Variants in CNTNAP2 observed in about 807,000 individuals in gnomAD.
CNTNAP2 encodes contactin-associated protein-like 2.
In CNTNAP2, 98 loss-of-function variants were observed where a neutral mutation model predicts 155.2. That is an observed-to-expected ratio of 0.63 (90% confidence interval 0.54 to 0.75). The LOEUF is 0.75. Ranked by LOEUF, CNTNAP2 falls within the 30% of genes least tolerant of loss-of-function variation. The pLI, the probability that CNTNAP2 is intolerant of heterozygous loss-of-function variation, is 0.00. For missense variants in CNTNAP2, 1,727 were observed against 1,688.1 expected (o/e 1.02, Z -0.40); for synonymous variants, 651 against 631.2 (o/e 1.03, Z -0.47).
chr7:148,055,277 A>G (rs978896395), intron 15 of CNTNAP2, among the ~76,000 whole-genome samples: 1 of 152,244 alleles, frequency 6.6e-6, no homozygotes, highest in Non-Finnish European at 1.5e-5. Flanking sequence ...ATTTATTTAA[A>G]TAGTCCTCCT....
At chr7:146,459,773 C>T (rs1402343408) in intron 1 of CNTNAP2, among the ~76,000 whole-genome samples, 1 of 152,080 alleles carries the variant, frequency 6.6e-6, no homozygotes, top group Non-Finnish European at 1.5e-5. Context: ...GAGTTCAAGA[C>T]CAGCCTGGCT....
intron 2 of CNTNAP2, among the ~76,000 whole-genome samples, chr7:146,825,573 T>G (rs982850602): frequency 1.3e-5 from 2 of 152,112 alleles, no homozygotes; most frequent in African/African-American, 4.8e-5. Flanking sequence ...AAAAATGAAC[T>G]AAAGCAGATA....
At chr7:147,575,535 G>GTGTGTA (rs1800382847) in intron 12 of CNTNAP2, among the ~76,000 whole-genome samples, 1 of 150,968 alleles carries the variant, frequency 6.6e-6, no homozygotes, top group East Asian at 1.9e-4. Context: ...GTGTGTGTGT[G>GTGTGTA]TATGTGTGTG....
intron 14 of CNTNAP2, among the ~76,000 whole-genome samples, chr7:147,937,888 TTAA>T (rs1800641888): frequency 6.6e-6 from 1 of 152,174 alleles, no homozygotes; most frequent in Non-Finnish European, 1.5e-5. Context: ...CTATATAATC[TTAA>T]TGATGATGAC....
chr7:146,651,713 C>T (rs976137720), intron 1 of CNTNAP2, among the ~76,000 whole-genome samples: 1 of 152,152 alleles, frequency 6.6e-6, no homozygotes, highest in East Asian at 1.9e-4. Flanking sequence ...CTGTCACTCC[C>T]TTCCTTAGAC....
At chr7:146,442,482 G>A (rs1198100602) in intron 1 of CNTNAP2, among the ~76,000 whole-genome samples, 1 of 152,030 alleles carries the variant, frequency 6.6e-6, no homozygotes, top group Non-Finnish European at 1.5e-5. Flanking sequence ...GTGTGAGTGT[G>A]TGTGAAACAC....
intron 14 of CNTNAP2, among the ~76,000 whole-genome samples, chr7:147,904,988 A>T (rs924614235): frequency 6.6e-6 from 1 of 152,146 alleles, no homozygotes; most frequent in African/African-American, 2.4e-5. Flanking sequence ...TTTGAAATTA[A>T]CCTTTTATTC....
intron 1 of CNTNAP2, among the ~76,000 whole-genome samples, chr7:146,138,679 C>A (rs1436095847): frequency 6.6e-6 from 1 of 151,988 alleles, no homozygotes; most frequent in East Asian, 1.9e-4. Flanking sequence ...TGTGTGTGTA[C>A]ATATGTGTGT....
intron 13 of CNTNAP2, among the ~76,000 whole-genome samples, chr7:147,835,241 A>T (rs1249070242): frequency 6.6e-6 from 1 of 152,228 alleles, no homozygotes; most frequent in Non-Finnish European, 1.5e-5. Flanking sequence ...GGAGGACCAG[A>T]GGACAAAACG....
chr7:147,845,039 TATTG>T (rs1798805044), intron 13 of CNTNAP2, among the ~76,000 whole-genome samples: 1 of 100,636 alleles, frequency 9.9e-6, no homozygotes, highest in Non-Finnish European at 2.0e-5. Context: ...TCATCAAGGA[TATTG>T]GTCTAAAATT....
chr7:147,700,428 C>A (rs1247989254), intron 13 of CNTNAP2, among the ~76,000 whole-genome samples: 3 of 152,158 alleles, frequency 2.0e-5, no homozygotes, highest in Non-Finnish European at 2.9e-5. Context: ...CTCATGATTA[C>A]AACTATTTTA....
At chr7:147,880,564 A>T (rs1487092963) in intron 13 of CNTNAP2, among the ~76,000 whole-genome samples, 2 of 151,790 alleles carry the variant, frequency 1.3e-5, no homozygotes, top group Non-Finnish European at 2.9e-5. Flanking sequence ...GAGCATAGAA[A>T]GACGGGACTT....
chr7:146,682,680 G>A (rs969142785), intron 1 of CNTNAP2, among the ~76,000 whole-genome samples: 1 of 152,136 alleles, frequency 6.6e-6, no homozygotes, highest in African/African-American at 2.4e-5. Context: ...AGTTGTACAA[G>A]TTGTACTAGT....
intron 8 of CNTNAP2, among the ~76,000 whole-genome samples, chr7:147,236,597 T>A (rs188662535): frequency 1.5e-3 from 225 of 152,094 alleles, no homozygotes; most frequent in Non-Finnish European, 2.5e-3. Flanking sequence ...TTTTCTTTTT[T>A]AAATCTTAAC....
At position 146,394,273 on chromosome 7, in the gene CNTNAP2, G is replaced by A. The variant is rs1044851369; in HGVS notation, c.97+277300G>A. Among the ~76,000 whole-genome samples, 15 of 152,176 alleles carry A rather than the reference G, an allele frequency of 9.9e-5. No homozygotes were observed. In the East Asian group the frequency reaches 1.4e-3, roughly 14 times the overall value. On this transcript the variant is annotated intron_variant, in intron 1 of 23. Coordinates refer to ENST00000361727, the MANE Select transcript of CNTNAP2 (RefSeq NM_014141.6). The stretch of plus-strand genomic sequence containing the variant: ...GGAAATAGTCATGAAACAAAGGAGC[G>A]CTAGGGGAGAGGTGGGTAACTAAAT...
chr7:146,588,927 T>C (rs1218951791), intron 1 of CNTNAP2, among the ~76,000 whole-genome samples: 1 of 151,890 alleles, frequency 6.6e-6, no homozygotes, highest in African/African-American at 2.4e-5. Flanking sequence ...TTGGAAAGGA[T>C]CTGCAATATT....
At chr7:148,312,790 G>T (rs529326077) in intron 21 of CNTNAP2, among the ~76,000 whole-genome samples, 1 of 152,210 alleles carries the variant, frequency 6.6e-6, no homozygotes, top group African/African-American at 2.4e-5. Flanking sequence ...GCTGTGGGAT[G>T]GGATATTGGC....
intron 1 of CNTNAP2, among the ~76,000 whole-genome samples, chr7:146,718,480 G>A (rs935609338): frequency 1.3e-5 from 2 of 152,144 alleles, no homozygotes; most frequent in Admixed American, 6.6e-5. Context: ...GGCATTCTGT[G>A]ACTGGGAACC....
intron 17 of CNTNAP2, 44 bp from the exon 18 acceptor site, chr7:148,172,198 C>T: frequency 1.3e-6 from 2 of 1,577,800 alleles, no homozygotes; most frequent in Non-Finnish European, 1.7e-6. Context: ...TAAGCAATAG[C>T]AGAGGTTATT....
Sources: gnomAD v4.1 joint callset for allele counts (sites outside exome capture counted in the v4.1 genomes callset) on GRCh38, gnomAD v4.1.1 for gene constraint, MANE v1.5 for transcripts, NCBI Gene and HGNC (gene_info 2026-07-23, HGNC 2026-07-21) for gene names.